Variants in DAB2IP observed in about 807,000 individuals in gnomAD.
DAB2IP encodes DAB2 interacting protein.
In DAB2IP, 28 loss-of-function variants were observed where a neutral mutation model predicts 107.2. That is an observed-to-expected ratio of 0.26 (90% confidence interval 0.19 to 0.36). The LOEUF is 0.36. DAB2IP is among the 10% of genes least tolerant of loss of function. The pLI is 1.00. For synonymous variants in DAB2IP, 755 were observed against 706.4 expected (o/e 1.07, Z -1.09); for missense variants, 1,400 against 1,644.7 (o/e 0.85, Z 2.57).
In DAB2IP at chr9:121,782,431, CCCCCACCAA is replaced by C. The variant is rs1461673561; in HGVS notation, c.3513_3521del (p.Asn1171_Thr1173del). The stretch of plus-strand genomic sequence containing the variant: ...AGCATGCAAGCCCGTAACGGCATCT[CCCCCACCAA>C]CCCCACCAAATTGCAGATTACTGAG... On this transcript the variant is annotated inframe_deletion, in exon 16 of 16. Coordinates refer to ENST00000408936, the Ensembl canonical transcript of DAB2IP. This position sits in a 1 kb window ranked among gnomAD's most constrained non-coding sequence, Gnocchi z 6.1. 1 of 1,613,980 alleles carries C rather than the reference CCCCCACCAA, an allele frequency of 6.2e-7. No homozygotes were observed. Among genetic ancestry groups the C allele is most frequent in the Non-Finnish European group, 8.5e-7 (1 of 1,179,988 alleles).
intron 3 of DAB2IP, among the ~76,000 whole-genome samples, chr9:121,749,267 A>G (rs1832935426): frequency 6.6e-6 from 1 of 152,194 alleles, no homozygotes; most frequent in African/African-American, 2.4e-5. Context: ...TGCCCTGTTT[A>G]TGTCCTGCCG....
chr9:121,608,925 T>G (rs1016243286), intron 1 of DAB2IP, among the ~76,000 whole-genome samples: 11 of 151,862 alleles, frequency 7.2e-5, no homozygotes, highest in Admixed American at 6.5e-4. Flanking sequence ...CTTTTTCTAG[T>G]TTTTGTTTGT....
chr9:121,776,235 C>G lies in DAB2IP; in HGVS notation c.3158C>G (p.Thr1053Ser). 4 of 1,584,782 alleles carry G rather than the reference C, an allele frequency of 2.5e-6. No homozygotes were observed. Among genetic ancestry groups the G allele is most frequent in the Non-Finnish European group, 3.4e-6 (4 of 1,165,910 alleles). Residue 1053 changes from threonine (T) to serine (S), a missense_variant, in exon 14 of 16, where the codon ACC becomes AGC. Physicochemically the swap from Thr to Ser is moderately conservative, Grantham distance 58. Coordinates refer to ENST00000408936, the Ensembl canonical transcript of DAB2IP. The surrounding 1 kb of genome is among the most constrained non-coding windows in gnomAD (Gnocchi z 5.4). ...CTGCAGGACAAGCTGCGAATCTCCA[C>G]CAAGAAGCTGGAGGAGTATGAGACC...
chr9:121,699,420 G>A lies in DAB2IP; in HGVS notation c.324G>A (p.Gly108=), dbSNP rs765370316. 2.7e-6 allele frequency: 4 copies of A among 1,465,678 alleles called. No individual in the cohort carries two copies. Among genetic ancestry groups the A allele is most frequent in the Admixed American group, 4.2e-5 (2 of 47,788 alleles). The allele number at this position is 1,465,678 out of a possible 1,614,324, so 90.8% of individuals were successfully genotyped here. A position where few individuals can be genotyped will look rare whatever the true frequency, so the allele number is the denominator to read the frequency against. Residue 108 remains glycine, a synonymous_variant, in exon 3 of 16, where the codon GGG becomes GGA. Coordinates refer to ENST00000408936, the Ensembl canonical transcript of DAB2IP. This position sits in a 1 kb window ranked among gnomAD's most constrained non-coding sequence, Gnocchi z 6.2. ...ACAGCTTCCGCCACATCCTGCCGGGGTTCCGGAGCGCCGCCGCCGCCGCCG... is the reference window on the plus strand; with the variant it reads ...ACAGCTTCCGCCACATCCTGCCGGGATTCCGGAGCGCCGCCGCCGCCGCCG...
chr9:121,780,180 C>CA (rs1835506503), intron 14 of DAB2IP, among the ~76,000 whole-genome samples: 1 of 152,182 alleles, frequency 6.6e-6, no homozygotes, highest in African/African-American at 2.4e-5. Flanking sequence ...GCCAATGTGC[C>CA]CGGCCCTATT....
chr9:121,612,077 G>C (rs1831114810), intron 1 of DAB2IP, among the ~76,000 whole-genome samples: 1 of 152,036 alleles, frequency 6.6e-6, no homozygotes, highest in African/African-American at 2.4e-5. Flanking sequence ...CTTTGGTGAA[G>C]GTAGTTCTGG....
rs760248565 is a variant in DAB2IP at position 121,768,680 on chromosome 9, G to T, written c.1899+47G>T. 4.4e-6 allele frequency: 7 copies of T among 1,605,418 alleles called. No individual in the cohort carries two copies. The Admixed American group carries it at 1.0e-4, about 23-fold the overall frequency. Reference sequence around the variant, plus strand: ...AGGTGGGGCCAAAAGCTGCCATCAGGCTTTTAGTGTTCCCCCTTCCAGAGT... The same window carrying T: ...AGGTGGGGCCAAAAGCTGCCATCAGTCTTTTAGTGTTCCCCCTTCCAGAGT... On this transcript the variant is annotated intron_variant, in intron 10 of 15. Transcript: ENST00000408936.
chr9:121,580,738 C>T (rs558994632), intron 1 of DAB2IP, among the ~76,000 whole-genome samples: 5 of 152,266 alleles, frequency 3.3e-5, no homozygotes, highest in African/African-American at 1.2e-4. Context: ...CATTCTCCTG[C>T]CTCAGCCTCC....
chr9:121,778,259 G>A (rs1835344670), intron 14 of DAB2IP, among the ~76,000 whole-genome samples: 1 of 152,170 alleles, frequency 6.6e-6, no homozygotes, highest in African/African-American at 2.4e-5. Context: ...CCCATAGGAT[G>A]TAATCACCTC....
chr9:121,640,105 G>A (rs1286738373), intron 1 of DAB2IP, among the ~76,000 whole-genome samples: 1 of 152,172 alleles, frequency 6.6e-6, no homozygotes, highest in African/African-American at 2.4e-5. Flanking sequence ...CCTATGCCAT[G>A]CCACTCAGGG....
rs544416920 is a variant in DAB2IP at position 121,690,447 on chromosome 9, C to T, written c.229-8878C>T. Among the ~76,000 whole-genome samples the T allele has an allele frequency of 4.6e-5, 7 of 152,268 alleles. No individual in the cohort carries two copies. The South Asian group carries it at 1.5e-3, about 32-fold the overall frequency. On this transcript the variant is annotated intron_variant, in intron 2 of 15. Transcript: ENST00000408936. ...CCAACTCCCCACCCCTTAGCCAGGG[C>T]TGGCTGAGAGCTTAAAGAGCTGATG...
At chr9:121,753,393 G>A (rs925455698) in intron 3 of DAB2IP, among the ~76,000 whole-genome samples, 5 of 152,208 alleles carry the variant, frequency 3.3e-5, no homozygotes, top group African/African-American at 1.2e-4. Context: ...GCACAGGGTC[G>A]GGAGGATGCC....
At chr9:121,774,437 G>C (rs1433144663) in intron 13 of DAB2IP, 25 bp downstream of exon 13, 2 of 1,592,822 alleles carry the variant, frequency 1.3e-6, no homozygotes, top group Admixed American at 3.5e-5. Context: ...TGGCGGCTCG[G>C]GACAGGGCGG....
chr9:121,629,625 G>A (rs562920530), intron 1 of DAB2IP, among the ~76,000 whole-genome samples: 26 of 152,274 alleles, frequency 1.7e-4, no homozygotes, highest in Admixed American at 1.4e-3. Flanking sequence ...CTGAAGCCCC[G>A]AGCTGGGCTG....
rs992581603 is a variant in DAB2IP at position 121,783,458 on chromosome 9, A to C, written c.*960A>C. ...GAAAGAAAAGGTGATCCTTCCTCTGAGTGATGGTTTAAAAAAAGATTCTAA... is the reference window on the plus strand; with the variant it reads ...GAAAGAAAAGGTGATCCTTCCTCTGCGTGATGGTTTAAAAAAAGATTCTAA... On this transcript the variant is annotated 3_prime_UTR_variant, in exon 16 of 16. Coordinates refer to ENST00000408936, the Ensembl canonical transcript of DAB2IP. 10 of 1,613,080 alleles carry C rather than the reference A, an allele frequency of 6.2e-6. No homozygotes were observed. In the Admixed American group the frequency reaches 1.3e-4, roughly 22 times the overall value.
chr9:121,677,834 G>A (rs1287408801), intron 1 of DAB2IP, among the ~76,000 whole-genome samples: 1 of 152,030 alleles, frequency 6.6e-6, no homozygotes, highest in African/African-American at 2.4e-5. Context: ...GCTAATTTTT[G>A]TATTGTCAGT....
chr9:121,625,386 G>A (rs1001352002), intron 1 of DAB2IP, among the ~76,000 whole-genome samples: 2 of 151,924 alleles, frequency 1.3e-5, no homozygotes, highest in East Asian at 1.9e-4. Flanking sequence ...CTACAGGTGC[G>A]CACCATCATA....
At chr9:121,568,002 G>A (rs1033725933) in intron 1 of DAB2IP, among the ~76,000 whole-genome samples, 2 of 151,992 alleles carry the variant, frequency 1.3e-5, no homozygotes, top group Admixed American at 1.3e-4. Flanking sequence ...CCGAGGCTGG[G>A]CATGGGGGGG....
chr9:121,676,634 C>T (rs939077736), intron 1 of DAB2IP, among the ~76,000 whole-genome samples: 7 of 150,200 alleles, frequency 4.7e-5, no homozygotes, highest in East Asian at 1.9e-4. Flanking sequence ...GTTCTGCAGA[C>T]GCACACACAC....
Sources: gnomAD v4.1 joint callset for allele counts (sites outside exome capture counted in the v4.1 genomes callset) on GRCh38, gnomAD v4.1.1 for gene constraint, Gnocchi (gnomAD v3.1) non-coding constraint, MANE v1.5 for transcripts, NCBI Gene and HGNC (gene_info 2026-07-23, HGNC 2026-07-21) for gene names.